CALB2: variants seen among roughly 807,000 people sequenced by gnomAD.
CALB2 encodes calretinin.
A neutral mutation model predicts 45.9 loss-of-function variants in CALB2; 34 were observed. That is an observed-to-expected ratio of 0.74 (90% CI 0.56 to 0.99). CALB2 has a LOEUF of 0.99. CALB2 is among the 50% of genes least tolerant of loss of function. The pLI, the probability that CALB2 is intolerant of heterozygous loss-of-function variation, is 0.00. For synonymous variants in CALB2, 142 were observed against 129.6 expected (o/e 1.10, Z -0.65); for missense variants, 344 against 339.3 (o/e 1.01, Z -0.11).
chr16:71,377,955 C>T (rs2042437498), intron 4 of CALB2, among the ~76,000 whole-genome samples: 1 of 152,222 alleles, frequency 6.6e-6, no homozygotes, highest in African/African-American at 2.4e-5. Flanking sequence ...GGAGTGGTGG[C>T]TCACGCCTTG....
At chr16:71,372,122 TGA>T in intron 1 of CALB2, 29 bp from the exon 2 acceptor site, 2 of 1,379,396 alleles carry the variant, frequency 1.4e-6, no homozygotes, top group South Asian at 2.3e-5. Flanking sequence ...TATTTAGTGC[TGA>T]GATTGATTTT....
intron 2 of CALB2, among the ~76,000 whole-genome samples, chr16:71,373,782 A>T (rs534375500): frequency 5.3e-5 from 8 of 152,346 alleles, no homozygotes; most frequent in African/African-American, 1.9e-4. Flanking sequence ...CTTAAATAAG[A>T]TGGCCACATT....
At chr16:71,383,913 A>C in intron 6 of CALB2, 57 bp from the exon 7 acceptor site, 1 of 1,584,290 alleles carries the variant, frequency 6.3e-7, no homozygotes, top group Non-Finnish European at 8.7e-7. Context: ...GTAAAAGGGG[A>C]TGTCAGGTCA....
intron 4 of CALB2, among the ~76,000 whole-genome samples, chr16:71,380,235 T>C (rs1294439012): frequency 6.7e-6 from 1 of 150,138 alleles, no homozygotes; most frequent in Admixed American, 6.7e-5. Flanking sequence ...TAGTGGCTTC[T>C]CTCTGTGCAG....
intron 10 of CALB2, among the ~76,000 whole-genome samples, chr16:71,388,100 C>G (rs1451555176): frequency 6.6e-6 from 1 of 151,976 alleles, no homozygotes; most frequent in Admixed American, 6.5e-5. Context: ...TTCTTATTAG[C>G]AGAATGGAGA....
Position 71,358,754 on chromosome 16 carries a change from G to T in CALB2, c.-39G>T. On this transcript the variant is annotated 5_prime_UTR_variant, in exon 1 of 11. Transcript: ENST00000302628. ...AGTGCCAGAGCCCAGCCGGCGCGGA[G>T]CGGGAGCGGTGCAGGCTGAGGTCTC... 1 of 1,527,076 alleles carries T rather than the reference G, an allele frequency of 6.5e-7. No individual in the cohort carries two copies. The highest frequency in any genetic ancestry group is 8.9e-7 in the Non-Finnish European group (1 of 1,117,662). The allele number at this position is 1,527,076 out of a possible 1,614,324, so 94.6% of individuals were successfully genotyped here. A position where few individuals can be genotyped will look rare whatever the true frequency, so the allele number is the denominator to read the frequency against.
At chr16:71,374,025 C>T (rs893456668) in intron 2 of CALB2, among the ~76,000 whole-genome samples, 1 of 152,080 alleles carries the variant, frequency 6.6e-6, no homozygotes, top group Admixed American at 6.6e-5. Flanking sequence ...AAGGTGGGCT[C>T]ATCATTGATT....
At chr16:71,360,054 T>C (rs2042223814) in intron 1 of CALB2, among the ~76,000 whole-genome samples, 1 of 152,222 alleles carries the variant, frequency 6.6e-6, no homozygotes, top group South Asian at 2.1e-4. Flanking sequence ...CACCTGTCAT[T>C]CAGGCCCCTG....
rs2042511981 is a variant in CALB2 at position 71,382,585 on chromosome 16, C to T, written c.343-134C>T. ...TGACCTTGAAGGGTCTGGGCTACAT[C>T]ATCTCCATGTCTCCATCCCATTCCG... is the stretch of plus-strand genomic sequence containing the variant. On this transcript the variant is annotated intron_variant, in intron 4 of 10. Transcript: ENST00000302628. 3 of 804,168 alleles carry T rather than the reference C, an allele frequency of 3.7e-6. No individual in the cohort carries two copies. The Admixed American group carries it at 7.4e-5, about 20-fold the overall frequency. 49.8% of individuals were successfully genotyped at this position (804,168 alleles called of 1,614,324 possible).
At chr16:71,389,070 C>A (rs1438517348) in intron 10 of CALB2, among the ~76,000 whole-genome samples, 1 of 151,100 alleles carries the variant, frequency 6.6e-6, no homozygotes, top group Admixed American at 6.6e-5. Context: ...CACCTGTAAT[C>A]CCAGCTACTT....
At chr16:71,381,582 TG>T (rs2042492204) in intron 4 of CALB2, among the ~76,000 whole-genome samples, 1 of 151,846 alleles carries the variant, frequency 6.6e-6, no homozygotes. Flanking sequence ...AGTGGAGAAG[TG>T]GGGGGAGGCA....
intron 2 of CALB2, among the ~76,000 whole-genome samples, chr16:71,373,239 C>T (rs2144970794): frequency 6.6e-6 from 1 of 152,238 alleles, no homozygotes; most frequent in African/African-American, 2.4e-5. Context: ...TTGGCCAATC[C>T]ACTGTTTATT....
intron 1 of CALB2, among the ~76,000 whole-genome samples, chr16:71,370,787 G>C (rs1013952188): frequency 6.6e-6 from 1 of 152,146 alleles, no homozygotes; most frequent in Non-Finnish European, 1.5e-5. Context: ...TAGGAGGCAC[G>C]GCCTGAGCCC....
intron 1 of CALB2, 125 bp from the exon 2 acceptor site, chr16:71,372,028 T>G: frequency 1.4e-6 from 1 of 714,432 alleles, no homozygotes; most frequent in African/African-American, 1.8e-5. Flanking sequence ...CTAGCTCCAC[T>G]GGCCTAGACA....
At chr16:71,363,874 A>C (rs1318219690) in intron 1 of CALB2, among the ~76,000 whole-genome samples, 1 of 152,212 alleles carries the variant, frequency 6.6e-6, no homozygotes, top group Admixed American at 6.5e-5. Context: ...AACCAAGATT[A>C]AAGTTGTCAG....
At chr16:71,377,093 C>T (rs1219178813) in intron 3 of CALB2, among the ~76,000 whole-genome samples, 3 of 152,132 alleles carry the variant, frequency 2.0e-5, no homozygotes, top group East Asian at 1.9e-4. Flanking sequence ...GGGGTAAGGG[C>T]GGTTGGGTGG....
At chr16:71,382,683 G>A (rs762431344) in intron 4 of CALB2, 36 bp from the exon 5 acceptor site, 16 of 1,604,634 alleles carry the variant, frequency 1.0e-5, no homozygotes, top group Admixed American at 8.5e-5. Flanking sequence ...ATTTTGATAC[G>A]TCTTTGCAAA....
rs563575108 is a variant in CALB2 at position 71,370,272 on chromosome 16, C to T, written c.95-1881C>T. Among the ~76,000 whole-genome samples, 3 of 152,320 alleles carry T rather than the reference C, an allele frequency of 2.0e-5. No homozygotes were observed. The South Asian group carries it at 6.2e-4, about 32-fold the overall frequency. On this transcript the variant is annotated intron_variant, in intron 1 of 10. Transcript: ENST00000302628. ...GGCTGGGAAAAGCCTCCCCCCACAA[C>T]CCCTCACAGAGGCTGGGGTAAATGC...
intron 10 of CALB2, among the ~76,000 whole-genome samples, chr16:71,387,850 C>CCT (rs769783249): frequency 1.1e-4 from 16 of 152,120 alleles, no homozygotes; most frequent in Non-Finnish European, 1.9e-4. Context: ...AGGGAAGGTG[C>CCT]CTCTCAAAGC....
Sources: allele counts gnomAD v4.1 joint callset (sites outside exome capture counted in the v4.1 genomes callset), GRCh38; gene constraint gnomAD v4.1.1; transcripts MANE v1.5; gene names NCBI Gene and HGNC (gene_info 2026-07-23, HGNC 2026-07-21).